The following NRIP1 variants were observed in gnomAD, a reference collection of about 807,000 sequenced individuals.
The protein encoded by NRIP1 is nuclear receptor interacting protein 1.
A neutral mutation model predicts 75.0 loss-of-function variants in NRIP1; 28 were observed. The observed-to-expected ratio is 0.37, with a 90% confidence interval of 0.28 to 0.51. NRIP1 has a LOEUF of 0.51. Ranked by LOEUF, NRIP1 falls within the 20% of genes least tolerant of loss-of-function variation. The pLI is 0.92. For synonymous variants in NRIP1, 526 were observed against 487.6 expected (o/e 1.08, Z -1.04); for missense variants, 1,435 against 1,343.7 (o/e 1.07, Z -1.06).
chr21:15,007,484 T>C (rs1377288105), intron 3 of NRIP1, among the ~76,000 whole-genome samples: 3 of 152,184 alleles, frequency 2.0e-5, no homozygotes, highest in African/African-American at 7.2e-5. Flanking sequence ...TGATAAACAC[T>C]GTGCTAAAAA....
At chr21:15,057,825 T>C (rs1485301315) in intron 1 of NRIP1, among the ~76,000 whole-genome samples, 1 of 152,208 alleles carries the variant, frequency 6.6e-6, no homozygotes, top group Non-Finnish European at 1.5e-5. Flanking sequence ...ACAGGGGAAC[T>C]GGAAGGATTA....
intron 3 of NRIP1, among the ~76,000 whole-genome samples, chr21:15,006,961 T>G (rs1422355502): frequency 6.6e-6 from 1 of 152,138 alleles, no homozygotes; most frequent in Non-Finnish European, 1.5e-5. Flanking sequence ...CAGTGATGGT[T>G]AAAAAATGAG....
chr21:14,965,453 C>A lies in NRIP1; in HGVS notation c.2740G>T (p.Gly914Cys). Residue 914 changes from glycine to cysteine, a missense_variant, in exon 4 of 4, where the codon GGT becomes TGT. Coordinates refer to ENST00000318948, the MANE Select transcript of NRIP1 (RefSeq NM_003489.4). ...TCACTTTCGCTGGCTGAGCCATGAC[C>A]AGCAGGATATTTAAATTCAAGATCA... is the stretch of plus-strand genomic sequence containing the variant. Reference protein sequence around the residue: ...RNDLEFKYPAGHGSASESEHR... With the variant: ...RNDLEFKYPACHGSASESEHR... 6.2e-7 allele frequency: 1 copy of A among 1,613,896 alleles called. No homozygotes were observed. The highest frequency in any genetic ancestry group is 1.1e-5 in the South Asian group (1 of 91,056).
intron 2 of NRIP1, among the ~76,000 whole-genome samples, chr21:15,032,852 T>C (rs1455997159): frequency 2.6e-5 from 4 of 152,182 alleles, no homozygotes; most frequent in Non-Finnish European, 5.9e-5. Flanking sequence ...GATGTAAAAA[T>C]GATTTTACAA....
chr21:15,065,068 T>TCCGCCGCGG (rs1978767622), upstream of NRIP1: 1 of 153,442 alleles, frequency 6.5e-6, no homozygotes, highest in East Asian at 2.0e-4. Flanking sequence ...CGCCGCCGAG[T>TCCGCCGCGG]CCGCCGCGGC....
At position 15,029,033 on chromosome 21, in the gene NRIP1, A is replaced by C. The variant is rs576132677; in HGVS notation, c.-458+14462T>G. Reference sequence around the variant, plus strand: ...TCACACCCACATACAATCTTTTAGCAAATTCTGCAGGCTTTACCTTGGAAT... The same window carrying C: ...TCACACCCACATACAATCTTTTAGCCAATTCTGCAGGCTTTACCTTGGAAT... On this transcript the variant is annotated intron_variant, in intron 2 of 3. Coordinates refer to ENST00000318948, the MANE Select transcript of NRIP1 (RefSeq NM_003489.4). Among the ~76,000 whole-genome samples, 5 of 151,984 alleles carry C rather than the reference A, an allele frequency of 3.3e-5. No homozygotes were observed. The South Asian group carries it at 1.0e-3, about 32-fold the overall frequency.
rs954148603 is a variant in NRIP1 at position 14,961,493 on chromosome 21, A to G, written c.*3223T>C. 6.6e-6 allele frequency: 1 copy of G among 152,450 alleles called. No individual in the cohort carries two copies. The highest frequency in any genetic ancestry group is 1.5e-5 in the Non-Finnish European group (1 of 67,906). The allele number at this position is 152,450 out of a possible 1,614,324, so 9.4% of individuals were successfully genotyped here. On this transcript the variant is annotated 3_prime_UTR_variant, in exon 4 of 4. Coordinates refer to ENST00000318948, the MANE Select transcript of NRIP1 (RefSeq NM_003489.4). ...TTGCTAATACTGGGATACTCTTGGA[A>G]TAATGTTTGCAATGGGATTAAAAAA...
rs2086734445 is a variant in NRIP1 at position 14,966,212 on chromosome 21, T to C, written c.1981A>G (p.Lys661Glu). ...SKQLLTGNTD[K>E]PIGMIDRLNS... ...AATCTATCAATCATACCTATCGGTT[T>C]ATCTGTGTTTCCAGTTAACAGCTGT... The change falls in exon 4 of 4, where the codon AAA (lysine) becomes GAA (glutamate). Residue 661 changes from lysine (K) to glutamate (E), a missense_variant. Transcript: ENST00000318948. The C allele has an allele frequency of 6.2e-7, 1 of 1,613,830 alleles. No homozygotes were observed.
chr21:15,052,984 G>T (rs974208067), intron 1 of NRIP1, among the ~76,000 whole-genome samples: 1 of 152,158 alleles, frequency 6.6e-6, no homozygotes, highest in Non-Finnish European at 1.5e-5. Flanking sequence ...ATTTTCAAAA[G>T]ATTTAAAGTC....
chr21:15,057,759 A>G lies in NRIP1; in HGVS notation c.-538+6986T>C, dbSNP rs1346940628. ...CCACAGGCAAGTTAACTATTCTTGC[A>G]TTTTTCAGACTAGGTTTCCTTATCT... is the stretch of plus-strand genomic sequence containing the variant. On this transcript the variant is annotated intron_variant, in intron 1 of 3. Coordinates refer to ENST00000318948, the MANE Select transcript of NRIP1 (RefSeq NM_003489.4). Among the ~76,000 whole-genome samples, 3 of 152,176 alleles carry G rather than the reference A, an allele frequency of 2.0e-5. No individual in the cohort carries two copies. In the East Asian group the frequency reaches 5.8e-4, roughly 29 times the overall value.
At chr21:14,997,817 A>G (rs1252596885) in intron 3 of NRIP1, among the ~76,000 whole-genome samples, 2 of 151,764 alleles carry the variant, frequency 1.3e-5, no homozygotes, top group Non-Finnish European at 2.9e-5. Context: ...CTCATAACCT[A>G]AAGAGGAAGA....
chr21:15,000,372 A>G lies in NRIP1; in HGVS notation c.-335+13972T>C, dbSNP rs543351423. Among the ~76,000 whole-genome samples, 9 of 152,266 alleles carry G rather than the reference A, an allele frequency of 5.9e-5. No individual in the cohort carries two copies. In the South Asian group the frequency reaches 1.7e-3, roughly 28 times the overall value. ...TTCAACAAATGTTTATTAAGCAGTT[A>G]TTATATGCCAGGTACAGTGTTAAGC... On this transcript the variant is annotated intron_variant, in intron 3 of 3. Transcript: ENST00000318948.
At chr21:14,970,476 G>A (rs1256090018) in intron 3 of NRIP1, among the ~76,000 whole-genome samples, 1 of 152,150 alleles carries the variant, frequency 6.6e-6, no homozygotes, top group Non-Finnish European at 1.5e-5. Context: ...AACCTGGTAG[G>A]CAGAGGTTGC....
At chr21:14,979,976 A>G (rs942749070) in intron 3 of NRIP1, among the ~76,000 whole-genome samples, 13 of 152,306 alleles carry the variant, frequency 8.5e-5, no homozygotes, top group Non-Finnish European at 2.9e-5. Context: ...CAAGCTTTTG[A>G]CCCATCTGAA....
chr21:15,043,295 A>T (rs1420647331), intron 2 of NRIP1, among the ~76,000 whole-genome samples, 200 bp downstream of exon 2: 1 of 152,252 alleles, frequency 6.6e-6, no homozygotes, highest in Non-Finnish European at 1.5e-5. Flanking sequence ...ACTCTAAACC[A>T]GACGTTTTAT....
At chr21:15,049,096 T>C (rs2089149569) in intron 1 of NRIP1, among the ~76,000 whole-genome samples, 1 of 152,196 alleles carries the variant, frequency 6.6e-6, no homozygotes, top group African/African-American at 2.4e-5. Context: ...TTCTATACCC[T>C]AATAGCATTT....
At chr21:15,018,497 T>C (rs1375697174) in intron 2 of NRIP1, among the ~76,000 whole-genome samples, 1 of 152,186 alleles carries the variant, frequency 6.6e-6, no homozygotes, top group Non-Finnish European at 1.5e-5. Flanking sequence ...GAGAAGGCCC[T>C]AGTCATACAA....
At chr21:15,021,230 A>G (rs9984529) in intron 2 of NRIP1, among the ~76,000 whole-genome samples, 3,373 of 152,352 alleles carry the variant, frequency 0.022, 125 homozygotes, top group African/African-American at 0.076. Context: ...CTAATGATTC[A>G]CGTCACCAAG....
intron 1 of NRIP1, among the ~76,000 whole-genome samples, chr21:15,046,683 T>C (rs1020122311): frequency 6.6e-6 from 1 of 152,268 alleles, no homozygotes; most frequent in Non-Finnish European, 1.5e-5. Context: ...CTAGATGGCA[T>C]ATTCATCCAA....
Sources: gnomAD v4.1 joint callset for allele counts (sites outside exome capture counted in the v4.1 genomes callset) on GRCh38, gnomAD v4.1.1 for gene constraint, MANE v1.5 for transcripts, NCBI Gene and HGNC (gene_info 2026-07-23, HGNC 2026-07-21) for gene names.